Variants in SPATA6 observed in about 807,000 individuals in gnomAD.
SPATA6 encodes the protein spermatogenesis-associated protein 6.
SPATA6 carries 56 observed loss-of-function variants against 65.3 expected under a neutral mutation model. The ratio of observed to expected loss-of-function variants is 0.86; its 90% CI spans 0.69 to 1.07. The LOEUF is 1.07. Among genes scored for constraint, SPATA6 ranks in the 50% least tolerant of loss-of-function variants. The probability of loss-of-function intolerance (pLI) is 0.00; values close to 1 mark genes in which losing one functional copy is unlikely to be tolerated. For missense variants in SPATA6, 590 were observed against 594.8 expected, an observed-to-expected ratio of 0.99 and a Z score of 0.08; for synonymous variants, 199 against 213.2, an observed-to-expected ratio of 0.93 and a Z score of 0.58.
intron 9 of SPATA6, among the ~76,000 whole-genome samples, chr1:48,382,597 C>T (rs1202630306): frequency 1.0e-4 from 13 of 127,490 alleles, no homozygotes; most frequent in East Asian, 2.7e-4. Flanking sequence ...GCTGACCCCC[C>T]CCACCTCCCT....
At chr1:48,302,246 G>C (rs534500470) in intron 12 of SPATA6, among the ~76,000 whole-genome samples, 54 of 152,116 alleles carry the variant, frequency 3.5e-4, no homozygotes, top group Non-Finnish European at 6.8e-4. Flanking sequence ...AGGGTGCAAG[G>C]GCAGTTTTCT....
At chr1:48,331,399 A>G (rs950355486) in intron 11 of SPATA6, among the ~76,000 whole-genome samples, 2 of 146,532 alleles carry the variant, frequency 1.4e-5, no homozygotes, top group African/African-American at 5.1e-5. Context: ...AACAGCAAAA[A>G]GAAAAAAAAA....
intron 1 of SPATA6, among the ~76,000 whole-genome samples, chr1:48,471,065 G>C (rs1658200844): frequency 6.6e-6 from 1 of 152,108 alleles, no homozygotes; most frequent in African/African-American, 2.4e-5. Context: ...GTTCTCTAAA[G>C]AATGCAGGGG....
intron 11 of SPATA6, chr1:48,325,089 AGGAAGATGTG>A (rs1645716749): frequency 2.3e-6 from 1 of 425,744 alleles, no homozygotes; most frequent in South Asian, 4.3e-5. Flanking sequence ...CATATCAGTA[AGGAAGATGTG>A]GGCTTCTTGT....
the SPATA6 span, among the ~76,000 whole-genome samples, chr1:48,270,586 C>A: frequency 5.3e-5 from 8 of 152,014 alleles, no homozygotes; most frequent in Middle Eastern, 3.4e-3. Flanking sequence ...ATACCTACCC[C>A]CTACTACACA....
intron 1 of SPATA6, among the ~76,000 whole-genome samples, chr1:48,460,822 C>T (rs1000355776): frequency 2.0e-5 from 3 of 148,238 alleles, no homozygotes; most frequent in Non-Finnish European, 3.0e-5. Flanking sequence ...GTTAAAAATC[C>T]CAGAACAGGA....
intron 11 of SPATA6, among the ~76,000 whole-genome samples, chr1:48,314,220 C>T (rs1239534837): frequency 5.3e-5 from 8 of 152,300 alleles, no homozygotes; most frequent in African/African-American, 1.4e-4. Context: ...CTCTCCACCC[C>T]GAATCAACAG....
chr1:48,454,161 ACAGTCTCTC>A (rs898027522), intron 1 of SPATA6, among the ~76,000 whole-genome samples: 155 of 152,212 alleles, frequency 1.0e-3, no homozygotes, highest in African/African-American at 3.3e-3. Flanking sequence ...AACACATAGC[ACAGTCTCTC>A]CAGTACCTAC....
At chr1:48,429,373 T>C (rs11576198) in intron 3 of SPATA6, among the ~76,000 whole-genome samples, 20,509 of 152,124 alleles carry the variant, frequency 0.13, 1,817 homozygotes, top group South Asian at 0.22. Flanking sequence ...AAAGTGACCA[T>C]ACATGCTCAG....
intron 11 of SPATA6, chr1:48,355,295 A>G (rs562782206): frequency 6.4e-6 from 1 of 157,008 alleles, no homozygotes; most frequent in East Asian, 1.8e-4. Flanking sequence ...CTACCCACTC[A>G]TGCTACCATT....
chr1:48,351,183 T>G (rs1032012832), intron 11 of SPATA6, among the ~76,000 whole-genome samples: 11 of 151,958 alleles, frequency 7.2e-5, no homozygotes, highest in Non-Finnish European at 1.3e-4. Flanking sequence ...GAAAAAAAAT[T>G]GACTTTCCTT....
chr1:48,398,294 T>TA (rs914030480), intron 7 of SPATA6, among the ~76,000 whole-genome samples: 18 of 145,936 alleles, frequency 1.2e-4, no homozygotes, highest in East Asian at 7.0e-4. Flanking sequence ...ACTTAAGAGT[T>TA]AAAAAAAACG....
Position 48,395,358 on chromosome 1 carries a change from G to C in SPATA6, c.781-4C>G, listed in dbSNP as rs746628180. ...CCCTGGGACTTGGGGGATCAACCTA[G>C]AGGAAGCAGGATTTTTATGTAAAAG... On this transcript the variant is annotated splice_polypyrimidine_tract_variant and splice_region_variant and intron_variant, in intron 7 of 12. Coordinates refer to ENST00000371847, the MANE Select transcript of SPATA6 (RefSeq NM_019073.4). The C allele has an allele frequency of 2.6e-6, 4 of 1,530,634 alleles. No individual in the cohort carries two copies. In the South Asian group the frequency reaches 5.2e-5, roughly 20 times the overall value. 94.8% of individuals were successfully genotyped at this position (1,530,634 alleles called of 1,614,324 possible). A position where few individuals can be genotyped will look rare whatever the true frequency, so the allele number is the denominator to read the frequency against.
intron 11 of SPATA6, among the ~76,000 whole-genome samples, chr1:48,318,731 A>G (rs1298793667): frequency 6.6e-6 from 1 of 152,180 alleles, no homozygotes; most frequent in African/African-American, 2.4e-5. Flanking sequence ...CAATTCCTAT[A>G]CAATTCCGGC....
At chr1:48,429,639 A>G (rs1258953230) in intron 3 of SPATA6, among the ~76,000 whole-genome samples, 1 of 152,160 alleles carries the variant, frequency 6.6e-6, no homozygotes, top group African/African-American at 2.4e-5. Context: ...GAAGAAAATA[A>G]ATCGGCAGAA....
intron 9 of SPATA6, among the ~76,000 whole-genome samples, chr1:48,370,870 AG>A (rs1647221971): frequency 6.6e-6 from 1 of 152,226 alleles, no homozygotes; most frequent in African/African-American, 2.4e-5. Flanking sequence ...AGTCCCACAA[AG>A]GATGGGCTCA....
intron 9 of SPATA6, among the ~76,000 whole-genome samples, chr1:48,368,134 C>G (rs992345812): frequency 6.6e-6 from 1 of 152,176 alleles, no homozygotes; most frequent in East Asian, 1.9e-4. Flanking sequence ...CCCACTCTCT[C>G]CTGGCTTGTA....
chr1:48,459,533 ATAAC>A (rs1424648403), intron 1 of SPATA6, among the ~76,000 whole-genome samples: 4 of 152,242 alleles, frequency 2.6e-5, no homozygotes, highest in Admixed American at 6.5e-5. Context: ...TTCCCTTTCA[ATAAC>A]TAACAAAAAT....
At chr1:48,289,036 C>G in the SPATA6 span, among the ~76,000 whole-genome samples, 1 of 152,200 alleles carries the variant, frequency 6.6e-6, no homozygotes, top group African/African-American at 2.4e-5. Flanking sequence ...TGAGAACCAA[C>G]AGACTGCCAC....
Sources: gnomAD v4.1 joint callset for allele counts (sites outside exome capture counted in the v4.1 genomes callset) on GRCh38, gnomAD v4.1.1 for gene constraint, MANE v1.5 for transcripts, NCBI Gene and HGNC (gene_info 2026-07-23, HGNC 2026-07-21) for gene names.